The following PDHX variants were observed in gnomAD, a reference collection of about 807,000 sequenced individuals.
PDHX encodes the protein pyruvate dehydrogenase protein X component, mitochondrial.
PDHX carries 33 observed loss-of-function variants against 55.3 expected under a neutral mutation model. The observed-to-expected ratio is 0.60, with a 90% CI of 0.45 to 0.80. PDHX has a LOEUF of 0.80. Ranked by LOEUF, PDHX falls within the 30% of genes least tolerant of loss-of-function variation. The pLI is 0.00. For synonymous variants in PDHX, 226 were observed against 219.4 expected (o/e 1.03, Z -0.27); for missense variants, 622 against 619.9 (o/e 1.00, Z -0.04).
At chr11:34,932,928 A>G (rs746946397) in intron 2 of PDHX, among the ~76,000 whole-genome samples, 2 of 152,224 alleles carry the variant, frequency 1.3e-5, no homozygotes, top group Non-Finnish European at 2.9e-5. Context: ...TTATACTGCT[A>G]TGGGGTGATC....
chr11:34,994,864 G>A, intron 10 of PDHX, 50 bp from the exon 11 acceptor site: 1 of 1,607,126 alleles, frequency 6.2e-7, no homozygotes, highest in South Asian at 1.1e-5. Context: ...ACGGAAAGGG[G>A]ACTTTGATTA....
chr11:34,986,832 C>T (rs1371350919), intron 9 of PDHX, among the ~76,000 whole-genome samples: 2 of 152,148 alleles, frequency 1.3e-5, no homozygotes, highest in Non-Finnish European at 2.9e-5. Flanking sequence ...AACAGGGACT[C>T]AGGGTTTGCT....
At chr11:34,988,289 T>C (rs900424501) in intron 9 of PDHX, among the ~76,000 whole-genome samples, 4 of 152,194 alleles carry the variant, frequency 2.6e-5, no homozygotes, top group African/African-American at 9.7e-5. Flanking sequence ...GCCTTTTATA[T>C]ATATTAATCC....
At chr11:34,919,654 A>G (rs994140698) in intron 1 of PDHX, among the ~76,000 whole-genome samples, 1 of 152,272 alleles carries the variant, frequency 6.6e-6, no homozygotes, top group Admixed American at 6.5e-5. Flanking sequence ...ACTGAAGTGC[A>G]TGTATATATT....
chr11:34,990,710 C>G (rs1352249209), intron 9 of PDHX, among the ~76,000 whole-genome samples: 1 of 152,170 alleles, frequency 6.6e-6, no homozygotes, highest in African/African-American at 2.4e-5. Flanking sequence ...AAATTCATCT[C>G]ATTTTTTACC....
intron 7 of PDHX, among the ~76,000 whole-genome samples, chr11:34,971,288 T>C (rs1855252945): frequency 6.6e-6 from 1 of 152,144 alleles, no homozygotes; most frequent in African/African-American, 2.4e-5. Context: ...TTGACCTATA[T>C]GGCCTTTATA....
At chr11:34,962,056 T>G (rs1177110353) in intron 5 of PDHX, among the ~76,000 whole-genome samples, 1 of 152,218 alleles carries the variant, frequency 6.6e-6, no homozygotes, top group Non-Finnish European at 1.5e-5. Context: ...TATAACAAAG[T>G]AGATTTGCCT....
At chr11:34,969,795 G>A (rs753829441) in intron 6 of PDHX, among the ~76,000 whole-genome samples, 33 of 151,914 alleles carry the variant, frequency 2.2e-4, no homozygotes, top group Non-Finnish European at 3.8e-4. Flanking sequence ...GTGTGTGTAC[G>A]TATATATACA....
intron 4 of PDHX, among the ~76,000 whole-genome samples, chr11:34,958,036 C>T (rs1483131458): frequency 3.9e-5 from 6 of 152,004 alleles, no homozygotes; most frequent in Admixed American, 3.3e-4. Context: ...TATGACTTTC[C>T]GGCACAGACT....
rs1246814860 is a variant in PDHX, at chr11:34,995,006, C to G, written c.1340C>G (p.Pro447Arg). The change falls in exon 11 of 11, where the codon CCT (proline) becomes CGT (arginine). Residue 447 changes from proline to arginine, a missense_variant. Physicochemically the swap from Pro to Arg is moderately radical, Grantham distance 103. Coordinates refer to ENST00000227868, the MANE Select transcript of PDHX (RefSeq NM_003477.3). ...ATTTTGGCGGTTGGGAGGTTCCGAC[C>G]TGTGCTGAAGCTCACTGAGGATGAA... ...ACILAVGRFR[P>R]VLKLTEDEEG... 1.2e-6 allele frequency: 2 copies of G among 1,613,940 alleles called. No individual in the cohort carries two copies.
At chr11:34,947,145 G>A (rs1259460189) in intron 2 of PDHX, among the ~76,000 whole-genome samples, 4 of 152,204 alleles carry the variant, frequency 2.6e-5, no homozygotes, top group African/African-American at 4.8e-5. Context: ...TAGTCAAAAT[G>A]TTTGAAAAAG....
chr11:34,951,810 C>G (rs1342683520), intron 3 of PDHX, among the ~76,000 whole-genome samples: 2 of 152,128 alleles, frequency 1.3e-5, no homozygotes, highest in African/African-American at 2.4e-5. Flanking sequence ...AGGTTTTCTT[C>G]TAGGGTTTTT....
At chr11:34,983,044 A>G (rs1022572794) in intron 8 of PDHX, among the ~76,000 whole-genome samples, 5 of 152,230 alleles carry the variant, frequency 3.3e-5, no homozygotes, top group African/African-American at 1.2e-4. Context: ...GGCAAACCAA[A>G]TCCAGCAGCA....
At chr11:34,918,771 A>T (rs149090188) in intron 1 of PDHX, among the ~76,000 whole-genome samples, 20 of 152,302 alleles carry the variant, frequency 1.3e-4, no homozygotes, top group African/African-American at 4.8e-4. Context: ...TATTGGTAGG[A>T]GCTGCATTCT....
At chr11:34,936,242 T>A (rs1359988094) in intron 2 of PDHX, among the ~76,000 whole-genome samples, 2 of 152,188 alleles carry the variant, frequency 1.3e-5, no homozygotes, top group Non-Finnish European at 2.9e-5. Flanking sequence ...AGTGAGGTTA[T>A]CCAAATGAAC....
At chr11:34,927,578 C>T (rs1004607106) in intron 1 of PDHX, among the ~76,000 whole-genome samples, 15 of 152,010 alleles carry the variant, frequency 9.9e-5, no homozygotes, top group Non-Finnish European at 1.5e-4. Flanking sequence ...GTTTATCTTA[C>T]GATTGTGTAA....
intron 1 of PDHX, among the ~76,000 whole-genome samples, chr11:34,923,582 A>G (rs1300863941): frequency 1.3e-5 from 2 of 152,100 alleles, no homozygotes; most frequent in Non-Finnish European, 1.5e-5. Context: ...TAGCCATCCT[A>G]ATAGATATTA....
intron 2 of PDHX, among the ~76,000 whole-genome samples, chr11:34,932,290 A>G (rs1185181046): frequency 6.6e-6 from 1 of 152,186 alleles, no homozygotes; most frequent in Non-Finnish European, 1.5e-5. Context: ...ACTAACTTTT[A>G]TATGGCTAAA....
At chr11:34,965,544 A>G (rs1358419649) in intron 5 of PDHX, among the ~76,000 whole-genome samples, 1 of 152,102 alleles carries the variant, frequency 6.6e-6, no homozygotes. Flanking sequence ...AATGCCACCA[A>G]TTTTGTCACA....
Sources: gnomAD v4.1 joint callset for allele counts (sites outside exome capture counted in the v4.1 genomes callset) on GRCh38, gnomAD v4.1.1 for gene constraint, MANE v1.5 for transcripts, NCBI Gene and HGNC (gene_info 2026-07-23, HGNC 2026-07-21) for gene names.